DIAPH2: variants seen among roughly 807,000 people sequenced by gnomAD.
DIAPH2 encodes the protein diaphanous related formin 2, also known as protein diaphanous homolog 2.
A neutral mutation model predicts 92.7 loss-of-function variants in DIAPH2; 35 were observed. The ratio of observed to expected loss-of-function variants is 0.38; its 90% CI spans 0.29 to 0.50. The LOEUF (loss-of-function observed/expected upper bound fraction) is 0.50. Among genes scored for constraint, DIAPH2 ranks in the 20% least tolerant of loss-of-function variants. The pLI is 0.94. For synonymous variants in DIAPH2, 301 were observed against 280.4 expected (o/e 1.07, Z -0.73); for missense variants, 701 against 819.5 (o/e 0.86, Z 1.77).
chrX:97,109,665 T>C (rs142073497), intron 20 of DIAPH2, among the ~76,000 whole-genome samples: 1 of 111,445 alleles, frequency 9.0e-6, no homozygotes, highest in East Asian at 2.8e-4. Context: ...ACCTGGAAGC[T>C]AATGAATGAC....
chrX:97,057,272 C>G (rs2066563957), intron 17 of DIAPH2, among the ~76,000 whole-genome samples: 1 of 111,502 alleles, frequency 9.0e-6, no homozygotes, highest in African/African-American at 3.3e-5. Context: ...TGACTTGTTT[C>G]CTGGAATTCT....
chrX:97,021,543 A>G (rs1375493029), intron 17 of DIAPH2, among the ~76,000 whole-genome samples: 1 of 112,127 alleles, frequency 8.9e-6, no homozygotes, highest in Non-Finnish European at 1.9e-5. Context: ...AGCTTCGAGT[A>G]ATGTGTTTAG....
intron 22 of DIAPH2, among the ~76,000 whole-genome samples, chrX:97,189,070 C>T (rs899288748): frequency 2.7e-5 from 3 of 111,520 alleles, no homozygotes; most frequent in African/African-American, 6.5e-5. Context: ...TTTTCTTCAC[C>T]GTGCCAAGAC....
At chrX:97,444,673 A>G (rs2070291489) in intron 26 of DIAPH2, among the ~76,000 whole-genome samples, 1 of 111,887 alleles carries the variant, frequency 8.9e-6, no homozygotes, top group Admixed American at 9.5e-5. Flanking sequence ...TCAGTTGTCT[A>G]TATCAGTACT....
chrX:96,943,136 T>C (rs2065716200), intron 13 of DIAPH2, among the ~76,000 whole-genome samples: 1 of 110,838 alleles, frequency 9.0e-6, no homozygotes, highest in East Asian at 2.8e-4. Flanking sequence ...CTCTGTATGC[T>C]GATTTTTCTT....
intron 22 of DIAPH2, among the ~76,000 whole-genome samples, chrX:97,151,162 G>A (rs2067282888): frequency 9.0e-6 from 1 of 111,644 alleles, no homozygotes; most frequent in African/African-American, 3.3e-5. Context: ...TGTTGGTCAT[G>A]TTCTGTTTCT....
intron 4 of DIAPH2, among the ~76,000 whole-genome samples, chrX:96,805,143 G>T (rs978381676): frequency 3.6e-5 from 4 of 110,953 alleles, no homozygotes; most frequent in African/African-American, 1.3e-4. Flanking sequence ...GTACATTCTA[G>T]TAGGACAGAT....
chrX:96,847,112 C>T (rs2064977500), intron 4 of DIAPH2, among the ~76,000 whole-genome samples: 1 of 111,680 alleles, frequency 9.0e-6, no homozygotes, highest in Non-Finnish European at 1.9e-5. Context: ...AGTAGAAAGA[C>T]AAACTATAAG....
rs966861965 is a variant in DIAPH2, at chrX:96,741,730, T to A, written c.342+2968T>A. 5.4e-5 allele frequency among the ~76,000 whole-genome samples: 6 copies of A among 111,578 alleles called. 1 individual carries two copies. In the Admixed American group the frequency reaches 5.7e-4, roughly 11 times the overall value. On this transcript the variant is annotated intron_variant, in intron 3 of 26. Transcript: ENST00000324765. ...GACTCCTGAGCTCATGTGATCTGCC[T>A]GCCTTGGCCTCCCAAAGTGCTGGGA...
At chrX:97,209,304 C>A (rs976711661) in intron 22 of DIAPH2, among the ~76,000 whole-genome samples, 4 of 110,862 alleles carry the variant, frequency 3.6e-5, no homozygotes, top group Non-Finnish European at 5.7e-5. Context: ...GCCTCAAAAA[C>A]AGTAGTTTTA....
At chrX:97,412,656 G>A (rs1471139806) in intron 25 of DIAPH2, among the ~76,000 whole-genome samples, 1 of 111,375 alleles carries the variant, frequency 9.0e-6, no homozygotes, top group East Asian at 2.8e-4. Context: ...TAGACCACTA[G>A]CAAGACTAAT....
At chrX:97,374,217 A>G (rs1791850830) in intron 24 of DIAPH2, among the ~76,000 whole-genome samples, 1 of 111,392 alleles carries the variant, frequency 9.0e-6, no homozygotes, top group Non-Finnish European at 1.9e-5. Context: ...TGCTGTCTGT[A>G]GGAAGAAATG....
At chrX:97,127,882 C>A (rs2067104147) in intron 21 of DIAPH2, among the ~76,000 whole-genome samples, 1 of 111,057 alleles carries the variant, frequency 9.0e-6, no homozygotes, top group Non-Finnish European at 1.9e-5. Flanking sequence ...GTGGTGCGTG[C>A]TTGTGGTCCC....
chrX:97,453,551 A>G (rs2070376418), intron 26 of DIAPH2, among the ~76,000 whole-genome samples: 1 of 111,540 alleles, frequency 9.0e-6, no homozygotes, highest in South Asian at 3.8e-4. Flanking sequence ...TATTATAGCC[A>G]AAGCCTGATG....
At chrX:96,918,456 A>G (rs982933588) in intron 8 of DIAPH2, 53 bp from the exon 9 acceptor site, 21 of 785,322 alleles carry the variant, frequency 2.7e-5, no homozygotes, top group Non-Finnish European at 3.9e-5. Flanking sequence ...CGGTGCTCAT[A>G]GTGTCTGTAT....
chrX:97,460,052 C>A (rs1203858303), intron 26 of DIAPH2, among the ~76,000 whole-genome samples: 1 of 112,113 alleles, frequency 8.9e-6, no homozygotes, highest in Non-Finnish European at 1.9e-5. Flanking sequence ...AGACAGAGTT[C>A]TTTGTCCCAC....
At chrX:96,892,119 A>G (rs1038398952) in intron 5 of DIAPH2, among the ~76,000 whole-genome samples, 1 of 112,156 alleles carries the variant, frequency 8.9e-6, no homozygotes, top group African/African-American at 3.2e-5. Context: ...AACAACCTGT[A>G]TTAAACTTAT....
chrX:97,522,459 A>G (rs1015958284), intron 26 of DIAPH2, among the ~76,000 whole-genome samples: 2 of 112,418 alleles, frequency 1.8e-5, no homozygotes, highest in Non-Finnish European at 3.8e-5. Flanking sequence ...CAGACTTTCA[A>G]GTTTCATAGT....
chrX:97,216,862 T>G (rs1182130453), intron 22 of DIAPH2, among the ~76,000 whole-genome samples: 1 of 111,753 alleles, frequency 8.9e-6, no homozygotes, highest in African/African-American at 3.3e-5. Context: ...ATTTTCCGCC[T>G]TGAACTATTT....
Sources: allele counts gnomAD v4.1 joint callset (sites outside exome capture counted in the v4.1 genomes callset), GRCh38; gene constraint gnomAD v4.1.1; transcripts MANE v1.5; gene names NCBI Gene and HGNC (gene_info 2026-07-23, HGNC 2026-07-21).